The following RAP1GAP2 variants were observed in gnomAD, a reference collection of about 807,000 sequenced individuals.
The protein encoded by RAP1GAP2 is RAP1 GTPase activating protein 2.
RAP1GAP2 carries 27 observed loss-of-function variants against 95.0 expected under a neutral mutation model. That is an observed-to-expected ratio of 0.28 (90% CI 0.21 to 0.39). RAP1GAP2 has a LOEUF of 0.39. Ranked by LOEUF, RAP1GAP2 falls within the 10% of genes least tolerant of loss-of-function variation. RAP1GAP2 has a pLI of 1.00. For missense variants in RAP1GAP2, 771 were observed against 970.0 expected, an observed-to-expected ratio of 0.79 and a Z score of 2.72; for synonymous variants, 373 against 380.9, an observed-to-expected ratio of 0.98 and a Z score of 0.24.
chr17:2,823,181 A>G (rs2070385849), intron 2 of RAP1GAP2, among the ~76,000 whole-genome samples: 1 of 151,716 alleles, frequency 6.6e-6, no homozygotes, highest in South Asian at 2.1e-4. Context: ...CTCTGTTGAC[A>G]TTGGAACCCA....
rs181872663 is a variant in RAP1GAP2 at position 2,871,819 on chromosome 17, C to T, written c.81-33465C>T. On this transcript the variant is annotated intron_variant, in intron 2 of 24. Transcript: ENST00000254695. This position sits in a 1 kb window ranked among gnomAD's most constrained non-coding sequence, Gnocchi z 5.0. Reference sequence around the variant, plus strand: ...TGGAATGACGTAGAATGAGGTCATTCACGGCAATATTATTTGAAATAGCAA... The same window carrying T: ...TGGAATGACGTAGAATGAGGTCATTTACGGCAATATTATTTGAAATAGCAA... Among the ~76,000 whole-genome samples the T allele has an allele frequency of 6.6e-6, 1 of 151,520 alleles. No homozygotes were observed. The highest frequency in any genetic ancestry group is 1.5e-5 in the Non-Finnish European group (1 of 67,682).
chr17:2,807,197 G>A (rs984902714), intron 2 of RAP1GAP2, among the ~76,000 whole-genome samples: 6 of 152,208 alleles, frequency 3.9e-5, no homozygotes, highest in South Asian at 2.1e-4. Context: ...GCCTCCGGCC[G>A]TTGATTCCAA....
intron 2 of RAP1GAP2, among the ~76,000 whole-genome samples, chr17:2,888,718 C>A (rs1380255020): frequency 1.4e-5 from 2 of 143,472 alleles, no homozygotes; most frequent in Non-Finnish European, 3.0e-5. Context: ...TTGGTGCGAT[C>A]TCAGCTTGCT....
At chr17:2,793,607 T>G (rs1597318466), upstream of RAP1GAP2, among the ~76,000 whole-genome samples, 1 of 152,382 alleles carries the variant, frequency 6.6e-6, no homozygotes. Flanking sequence ...GGAGGCCAGG[T>G]GGGCTGACTG....
intron 2 of RAP1GAP2, among the ~76,000 whole-genome samples, chr17:2,806,025 A>G (rs2069501089): frequency 6.6e-6 from 1 of 152,142 alleles, no homozygotes; most frequent in Admixed American, 6.6e-5. Context: ...CTGGAGAGGG[A>G]TGAAGCCCAT....
intron 1 of RAP1GAP2, among the ~76,000 whole-genome samples, chr17:2,764,288 C>T (rs527389869): frequency 7.1e-4 from 106 of 149,620 alleles, no homozygotes; most frequent in Non-Finnish European, 1.4e-3. Context: ...AAAAATTAGC[C>T]GGGCATGGTG....
At chr17:2,791,195 C>A (rs1169075285) in intron 1 of RAP1GAP2, among the ~76,000 whole-genome samples, 1 of 152,040 alleles carries the variant, frequency 6.6e-6, no homozygotes, top group Non-Finnish European at 1.5e-5. Context: ...ACAGAACGAG[C>A]CCCCTTCTCT....
chr17:2,962,703 C>G lies in RAP1GAP2; in HGVS notation c.235C>G (p.Gln79Glu). 6.3e-7 allele frequency: 1 copy of G among 1,594,772 alleles called. No individual in the cohort carries two copies. Among genetic ancestry groups the G allele is most frequent in the Non-Finnish European group, 8.5e-7 (1 of 1,172,542 alleles). ...IKLEEQKPGPQKNKDDYIPYP... is the reference protein window; with the variant it reads ...IKLEEQKPGPEKNKDDYIPYP... The stretch of plus-strand genomic sequence containing the variant: ...GCTTGAAGAGCAGAAGCCGGGACCC[C>G]AGAAGAACAAGGTGGGCTGGGTGGG... Residue 79 changes from glutamine (Q) to glutamate (E), a missense_variant, in exon 5 of 25, where the codon CAG becomes GAG. Gln to Glu is a conservative substitution (Grantham distance 29, BLOSUM62 2). Transcript: ENST00000254695.
chr17:2,956,016 G>A (rs1937640177), intron 3 of RAP1GAP2, among the ~76,000 whole-genome samples: 1 of 152,228 alleles, frequency 6.6e-6, no homozygotes, highest in Non-Finnish European at 1.5e-5. Flanking sequence ...AGAGGTCCGT[G>A]TATTTAACAT....
In RAP1GAP2 at chr17:2,962,733, G is replaced by A; in HGVS notation, c.246+19G>A. ...GAACAAGGTGGGCTGGGTGGGTGAG[G>A]GGGTGGCCAGACGGCCCTGGTGAGG... is the stretch of plus-strand genomic sequence containing the variant. On this transcript the variant is annotated intron_variant, in intron 5 of 24. Transcript: ENST00000254695. 6.3e-7 allele frequency: 1 copy of A among 1,585,788 alleles called. No individual in the cohort carries two copies. Among genetic ancestry groups the A allele is most frequent in the South Asian group, 1.2e-5 (1 of 86,940 alleles).
chr17:2,969,768 T>C (rs1355981146), intron 8 of RAP1GAP2, among the ~76,000 whole-genome samples: 6 of 151,956 alleles, frequency 3.9e-5, no homozygotes. Context: ...CCTCCCAAAG[T>C]GCTGGGATTA....
At chr17:3,012,704 T>G (rs530045942) in intron 17 of RAP1GAP2, among the ~76,000 whole-genome samples, 1 of 149,132 alleles carries the variant, frequency 6.7e-6, no homozygotes, top group South Asian at 2.1e-4. Flanking sequence ...AGGCCTGAAG[T>G]CAGCACTGCA....
At chr17:2,787,310 C>G (rs1472105084) in intron 1 of RAP1GAP2, among the ~76,000 whole-genome samples, 1 of 148,626 alleles carries the variant, frequency 6.7e-6, no homozygotes, top group African/African-American at 2.5e-5. Flanking sequence ...TTTGGCCACA[C>G]TGGAGTGCAG....
chr17:2,834,288 G>A (rs1347225334), intron 2 of RAP1GAP2, among the ~76,000 whole-genome samples: 1 of 152,168 alleles, frequency 6.6e-6, no homozygotes, highest in African/African-American at 2.4e-5. Context: ...ACAGCTTAAA[G>A]CTCAAATGCA....
intron 8 of RAP1GAP2, among the ~76,000 whole-genome samples, chr17:2,969,191 A>ATG (rs2044747665): frequency 3.7e-5 from 3 of 80,296 alleles, no homozygotes; most frequent in Middle Eastern, 6.6e-3. Context: ...ATATATATAT[A>ATG]TATCTGTTTC....
At chr17:2,938,973 T>C (rs1051322300) in intron 3 of RAP1GAP2, among the ~76,000 whole-genome samples, 2 of 151,932 alleles carry the variant, frequency 1.3e-5, no homozygotes, top group Non-Finnish European at 2.9e-5. Context: ...GCAACAAGAG[T>C]GAAACTCCGT....
At chr17:2,890,163 G>C (rs2073660077) in intron 2 of RAP1GAP2, among the ~76,000 whole-genome samples, 1 of 151,972 alleles carries the variant, frequency 6.6e-6, no homozygotes, top group South Asian at 2.1e-4. Context: ...TTCCAGGAAT[G>C]TACCACGGTC....
At chr17:2,925,496 C>A (rs2042925051) in intron 3 of RAP1GAP2, among the ~76,000 whole-genome samples, 1 of 152,174 alleles carries the variant, frequency 6.6e-6, no homozygotes, top group Admixed American at 6.5e-5. Context: ...AACTCACTCA[C>A]TGTCACGAGA....
chr17:2,968,546 GAAAATT>G, intron 8 of RAP1GAP2, among the ~76,000 whole-genome samples: 1 of 152,216 alleles, frequency 6.6e-6, no homozygotes, highest in African/African-American at 2.4e-5. Flanking sequence ...GTACTTTGAT[GAAAATT>G]TAGTATTTCA....
Sources: gnomAD v4.1 joint callset for allele counts (sites outside exome capture counted in the v4.1 genomes callset) on GRCh38, gnomAD v4.1.1 for gene constraint, Gnocchi (gnomAD v3.1) non-coding constraint, MANE v1.5 for transcripts, NCBI Gene and HGNC (gene_info 2026-07-23, HGNC 2026-07-21) for gene names.